The following MRPS15 variants were observed in gnomAD, a reference collection of about 807,000 sequenced individuals.
The protein encoded by MRPS15 is mitochondrial ribosomal protein S15, also known as small ribosomal subunit protein uS15m.
MRPS15 carries 25 observed loss-of-function variants against 30.7 expected under a neutral mutation model. The observed-to-expected ratio is 0.81, with a 90% confidence interval of 0.59 to 1.14. The LOEUF is 1.14. Among genes scored for constraint, MRPS15 ranks in the 50% most tolerant of loss-of-function variants. The pLI, the probability that MRPS15 is intolerant of heterozygous loss-of-function variation, is 0.00. For missense variants in MRPS15, 313 were observed against 321.7 expected, an observed-to-expected ratio of 0.97 and a Z score of 0.21; for synonymous variants, 124 against 120.1, an observed-to-expected ratio of 1.03 and a Z score of -0.21.
intron 3 of MRPS15, 139 bp from the exon 4 acceptor site, chr1:36,461,451 C>T: frequency 1.3e-6 from 1 of 795,420 alleles, no homozygotes; most frequent in Non-Finnish European, 2.1e-6. Context: ...GGTGGGGAGC[C>T]ATTTCCCAGG....
chr1:36,457,103 T>G (rs1453876245), intron 6 of MRPS15, among the ~76,000 whole-genome samples: 3 of 151,982 alleles, frequency 2.0e-5, no homozygotes, highest in African/African-American at 7.3e-5. Flanking sequence ...GGTGAAACCC[T>G]GTCTCTACTA....
In MRPS15 at chr1:36,464,179, A is replaced by G. The variant is rs777824967; in HGVS notation, c.97T>C (p.Phe33Leu). The G allele has an allele frequency of 1.2e-6, 2 of 1,613,686 alleles. No homozygotes were observed. The highest frequency in any genetic ancestry group is 8.5e-7 in the Non-Finnish European group (1 of 1,179,902). ...PGLPGGGSAK[F>L]PFNQWGLQPR... ...TGCAGGCCCCACTGGTTGAAAGGAA[A>G]CTTGGCGCTCCCACCGCCCGGCAGC... Residue 33 changes from phenylalanine to leucine, a missense_variant, in exon 1 of 8, where the codon TTT (phenylalanine) becomes CTT (leucine). Coordinates refer to ENST00000373116, the MANE Select transcript of MRPS15 (RefSeq NM_031280.4).
chr1:36,456,038 T>TG, intron 7 of MRPS15, 113 bp from the exon 8 acceptor site: 1 of 1,495,124 alleles, frequency 6.7e-7, no homozygotes, highest in South Asian at 1.3e-5. Flanking sequence ...CCTTTCTCCA[T>TG]GGGGTTGGTG....
At chr1:36,462,063 C>T in intron 3 of MRPS15, 25 bp downstream of exon 3, 1 of 1,604,024 alleles carries the variant, frequency 6.2e-7, no homozygotes, top group Non-Finnish European at 8.5e-7. Flanking sequence ...CCCCTGCCTC[C>T]TCTACTAGGT....
rs1472760746 is a variant in MRPS15 at position 36,460,674 on chromosome 1, C to T, written c.385+18G>A. On this transcript the variant is annotated intron_variant, in intron 5 of 7. Coordinates refer to ENST00000373116, the MANE Select transcript of MRPS15 (RefSeq NM_031280.4). ...CAGGCTTCCCTACACCCCCACTCCC[C>T]AAGGGTCCCCGACCAACTTCGAGCC... 1.2e-6 allele frequency: 2 copies of T among 1,610,192 alleles called. No homozygotes were observed. Among genetic ancestry groups the T allele is most frequent in the Non-Finnish European group, 1.7e-6 (2 of 1,176,498 alleles).
rs768807148 is a variant in MRPS15 at position 36,464,151 on chromosome 1, G to C, written c.125C>G (p.Pro42Arg). ...CCCATTTCTCAGCTCCTCACTTCGA[G>C]GCTGCAGGCCCCACTGGTTGAAAGG... The part of the protein sequence containing the change: ...KFPFNQWGLQ[P>R]RSLLLQAARG... The change falls in exon 1 of 8, where the codon CCT becomes CGT. Residue 42 changes from proline (P) to arginine (R), a missense_variant. By Grantham distance (103) the Pro-to-Arg change is moderately radical. Coordinates refer to ENST00000373116, the MANE Select transcript of MRPS15 (RefSeq NM_031280.4). 1 of 1,613,068 alleles carries C rather than the reference G, an allele frequency of 6.2e-7. No homozygotes were observed. The highest frequency in any genetic ancestry group is 1.1e-5 in the South Asian group (1 of 91,004).
chr1:36,461,799 G>C (rs138463990), intron 3 of MRPS15, among the ~76,000 whole-genome samples: 1 of 152,134 alleles, frequency 6.6e-6, no homozygotes, highest in African/African-American at 2.4e-5. Flanking sequence ...TGAGGAACAA[G>C]AGATGAGAGA....
At position 36,461,100 on chromosome 1, in the gene MRPS15, G is replaced by T. The variant is rs371266755; in HGVS notation, c.300+164C>A. Among the ~76,000 whole-genome samples, 8 of 152,348 alleles carry T rather than the reference G, an allele frequency of 5.3e-5. No individual in the cohort carries two copies. The East Asian group carries it at 1.5e-3, about 29-fold the overall frequency. ...ATGGTGGGGGAACAAAAGTGTCCCT[G>T]CCCTGAAGATGCTCTGTCTAGGGAT... On this transcript the variant is annotated intron_variant, in intron 4 of 7. Transcript: ENST00000373116.
Position 36,464,252 on chromosome 1 carries a change from C to A in MRPS15, c.24G>T (p.Thr8=). ...CTGCCCGGGTCCGAATCAAACTCAG[C>A]GTCCTCCACGCGACCCTCAGCATGG... MLRVAWR[T]LSLIRTRAVT... Residue 8 remains threonine, a synonymous_variant, in exon 1 of 8, where the codon ACG becomes ACT. Coordinates refer to ENST00000373116, the MANE Select transcript of MRPS15 (RefSeq NM_031280.4). 3 of 1,613,898 alleles carry A rather than the reference C, an allele frequency of 1.9e-6. No homozygotes were observed. Among genetic ancestry groups the A allele is most frequent in the South Asian group, 1.1e-5 (1 of 91,040 alleles).
intron 7 of MRPS15, 85 bp from the exon 8 acceptor site, chr1:36,456,010 C>T: frequency 6.5e-7 from 1 of 1,547,024 alleles, no homozygotes; most frequent in Non-Finnish European, 8.7e-7. Context: ...AACTATTTCC[C>T]CCAGATGGTA....
chr1:36,462,036 G>A (rs1431431193), intron 3 of MRPS15, 52 bp downstream of exon 3: 10 of 1,508,220 alleles, frequency 6.6e-6, no homozygotes, highest in East Asian at 2.3e-5. Context: ...CCCACTCCCC[G>A]ACAATCCTCC....
chr1:36,459,409 A>C (rs1249875292), intron 5 of MRPS15: 2 of 151,906 alleles, frequency 1.3e-5, no homozygotes, highest in Admixed American at 6.6e-5. Flanking sequence ...TCAAAAAAAA[A>C]AAAAAAAAAA....
In MRPS15 at chr1:36,458,006, G is replaced by A. The variant is rs374479146; in HGVS notation, c.386-25C>T. On this transcript the variant is annotated intron_variant, in intron 5 of 7. Coordinates refer to ENST00000373116, the MANE Select transcript of MRPS15 (RefSeq NM_031280.4). The surrounding 1 kb of genome is among the most constrained non-coding windows in gnomAD (Gnocchi z 4.5). ...ACTGAAACCACAAACCACAGAGGATGAGAGTTGGGCACAGAGGAAGGAAGG... is the reference window on the plus strand; with the variant it reads ...ACTGAAACCACAAACCACAGAGGATAAGAGTTGGGCACAGAGGAAGGAAGG... The A allele has an allele frequency of 6.2e-6, 10 of 1,612,138 alleles. No homozygotes were observed. The African/African-American group carries it at 1.1e-4, about 17-fold the overall frequency.
Position 36,462,032 on chromosome 1 carries a change from C to T in MRPS15, c.251+56G>A. On this transcript the variant is annotated intron_variant, in intron 3 of 7. Coordinates refer to ENST00000373116, the MANE Select transcript of MRPS15 (RefSeq NM_031280.4). ...CTCAAAGCCACTGTCTTTCCCCACT[C>T]CCCGACAATCCTCCCAGGGCCCCCT... The T allele has an allele frequency of 4.1e-6, 6 of 1,474,994 alleles. 1 individual carries two copies. The South Asian group carries it at 6.9e-5, about 17-fold the overall frequency. The allele number at this position is 1,474,994 out of a possible 1,614,324, so 91.4% of individuals were successfully genotyped here.
intron 2 of MRPS15, among the ~76,000 whole-genome samples, chr1:36,463,121 C>T (rs1283207962): frequency 6.6e-6 from 1 of 152,010 alleles, no homozygotes. Flanking sequence ...CGCTACCACA[C>T]CTGGCTAATT....
intron 7 of MRPS15, 85 bp from the exon 8 acceptor site, chr1:36,456,010 C>A: frequency 6.5e-7 from 1 of 1,547,024 alleles, no homozygotes; most frequent in East Asian, 2.3e-5. Flanking sequence ...AACTATTTCC[C>A]CCAGATGGTA....
chr1:36,463,718 C>T (rs1650144816), intron 2 of MRPS15, 88 bp downstream of exon 2: 1 of 1,483,392 alleles, frequency 6.7e-7, no homozygotes, highest in Admixed American at 2.1e-5. Flanking sequence ...CATCTAGTGG[C>T]TCTAATTCGC....
chr1:36,461,969 C>T, intron 3 of MRPS15, 119 bp downstream of exon 3: 1 of 850,452 alleles, frequency 1.2e-6, no homozygotes, highest in Non-Finnish European at 1.9e-6. Flanking sequence ...GGGCCCCTGC[C>T]TCCTTCTAGA....
Position 36,455,770 on chromosome 1 carries a change from G to T in MRPS15, c.*18C>A, listed in dbSNP as rs1538634. 466,745 of 1,610,552 alleles carry T rather than the reference G, an allele frequency of 0.29. 70,430 individuals carry two copies. The highest frequency in any genetic ancestry group is 0.44 in the Admixed American group (25,852 of 59,116). ...CTCCTATCATTCTTCAAGACAGAAA[G>T]AAATGATTGAACAGAATTTATTGGC... On this transcript the variant is annotated 3_prime_UTR_variant, in exon 8 of 8. Coordinates refer to ENST00000373116, the MANE Select transcript of MRPS15 (RefSeq NM_031280.4).
Sources: allele counts gnomAD v4.1 joint callset (sites outside exome capture counted in the v4.1 genomes callset), GRCh38; gene constraint gnomAD v4.1.1; non-coding constraint Gnocchi (gnomAD v3.1); transcripts MANE v1.5; gene names NCBI Gene and HGNC (gene_info 2026-07-23, HGNC 2026-07-21).